RGS5: variants seen among roughly 807,000 people sequenced by gnomAD.
RGS5 encodes the protein regulator of G-protein signalling 5.
A neutral mutation model predicts 18.9 loss-of-function variants in RGS5; 20 were observed. That is an observed-to-expected ratio of 1.06 (90% CI 0.74 to 1.54). The LOEUF is 1.54. Among genes scored for constraint, RGS5 ranks in the 40% most tolerant of loss-of-function variants. The pLI is 0.00. For missense variants in RGS5, 201 were observed against 211.8 expected, an observed-to-expected ratio of 0.95 and a Z score of 0.32; for synonymous variants, 57 against 76.2, an observed-to-expected ratio of 0.75 and a Z score of 1.31.
intron 2 of RGS5, among the ~76,000 whole-genome samples, chr1:163,228,015 G>A (rs1156900587): frequency 6.6e-6 from 1 of 152,240 alleles, no homozygotes; most frequent in Non-Finnish European, 1.5e-5. Flanking sequence ...CCCTGCCCCA[G>A]GATGCTTTCA....
intron 2 of RGS5, chr1:163,304,969 C>T (rs531029115): frequency 3.3e-5 from 5 of 152,326 alleles, no homozygotes; most frequent in Middle Eastern, 3.4e-3. Flanking sequence ...CTTATTGTCT[C>T]CAACCATGCT....
chr1:163,202,746 A>G, intron 1 of RGS5, 46 bp downstream of exon 1: 1 of 1,586,632 alleles, frequency 6.3e-7, no homozygotes, highest in South Asian at 1.1e-5. Context: ...TTGAGTAAAG[A>G]TTCTCCATAT....
upstream of RGS5, among the ~76,000 whole-genome samples, chr1:163,219,706 A>G (rs564643261): frequency 3.0e-3 from 458 of 152,324 alleles, 2 homozygotes; most frequent in Middle Eastern, 0.01. Context: ...TAAAATATAA[A>G]AACAAAAGTT....
chr1:163,307,870 G>A (rs1054257533), intron 1 of RGS5, among the ~76,000 whole-genome samples: 1 of 152,056 alleles, frequency 6.6e-6, no homozygotes, highest in Admixed American at 6.5e-5. Context: ...TTTTATAGAA[G>A]AATAAACTGA....
At position 163,274,520 on chromosome 1, in the gene RGS5, G is replaced by A. The variant is rs1395358375; in HGVS notation, c.-281+31713C>T. The stretch of plus-strand genomic sequence containing the variant: ...ACAATAAACTGGCAGGCAAATATAA[G>A]TAGAGTGTTTTCCTGAGCTCTGTGA... On this transcript the variant is annotated intron_variant, in intron 2 of 5. Coordinates refer to the RGS5 transcript ENST00000618415. Among the ~76,000 whole-genome samples, 6 of 152,150 alleles carry A rather than the reference G, an allele frequency of 3.9e-5. No homozygotes were observed. The South Asian group carries it at 8.3e-4, about 21-fold the overall frequency.
At chr1:163,308,331 A>G (rs768928638) in intron 1 of RGS5, among the ~76,000 whole-genome samples, 4 of 152,216 alleles carry the variant, frequency 2.6e-5, no homozygotes, top group Non-Finnish European at 5.9e-5. Context: ...ACAATAAGTA[A>G]TAAGTTCCAA....
At chr1:163,178,687 T>C (rs1211135158) in intron 1 of RGS5, among the ~76,000 whole-genome samples, 1 of 152,082 alleles carries the variant, frequency 6.6e-6, no homozygotes, top group Non-Finnish European at 1.5e-5. Context: ...TCTATAAGCA[T>C]GAAAGGCCCC....
intron 2 of RGS5, among the ~76,000 whole-genome samples, chr1:163,303,970 C>T (rs1271654247): frequency 2.0e-5 from 3 of 152,080 alleles, no homozygotes; most frequent in Non-Finnish European, 4.4e-5. Context: ...AACTCCTGCT[C>T]CCCCAACCCA....
chr1:163,170,056 T>C lies in RGS5; in HGVS notation c.45-1688A>G, dbSNP rs187480908. Among the ~76,000 whole-genome samples, 95 of 152,310 alleles carry C rather than the reference T, an allele frequency of 6.2e-4. 1 individual carries two copies. Among genetic ancestry groups the C allele is most frequent in the Admixed American group, 5.8e-3 (88 of 15,298 alleles). On this transcript the variant is annotated intron_variant, in intron 1 of 4. Transcript: ENST00000313961. ...ACCTTCTAATCTATCCATCACTTTA[T>C]CACAATTCTATACTAGAAAAGCACC...
chr1:163,218,605 A>G (rs12731261), upstream of RGS5, among the ~76,000 whole-genome samples: 2 of 151,926 alleles, frequency 1.3e-5, no homozygotes, highest in South Asian at 4.1e-4. Context: ...AAATAAAAAT[A>G]AAAAATAGAG....
chr1:163,187,324 C>A (rs1203347788), intron 1 of RGS5, among the ~76,000 whole-genome samples: 1 of 152,182 alleles, frequency 6.6e-6, no homozygotes, highest in Non-Finnish European at 1.5e-5. Context: ...ATGGCTATGG[C>A]CCCCTAGTCA....
chr1:163,202,422 A>G (rs1056573814), intron 1 of RGS5, among the ~76,000 whole-genome samples: 2 of 152,178 alleles, frequency 1.3e-5, no homozygotes, highest in Non-Finnish European at 2.9e-5. Context: ...CCCAAATAGT[A>G]CTTACACAAA....
At chr1:163,163,175 G>T (rs2815287) in intron 2 of RGS5, among the ~76,000 whole-genome samples, 84,599 of 151,972 alleles carry the variant, frequency 0.56, 25,807 homozygotes, top group South Asian at 0.72. Context: ...GACGGCAGTA[G>T]GTTTTGGGCT....
rs184586275 is a variant in RGS5, at chr1:163,162,532, A to G, written c.156-556T>C. Among the ~76,000 whole-genome samples, 5 of 142,330 alleles carry G rather than the reference A, an allele frequency of 3.5e-5. No homozygotes were observed. The East Asian group carries it at 1.1e-3, about 30-fold the overall frequency. The allele number at this position is 142,330 out of a possible 152,430, so 93.4% of individuals were successfully genotyped here. Reference sequence around the variant, plus strand: ...TAGCAAATTTACATGTTAAAAACGTAGGCGCATTTTTCCTACCCACTTATA... The same window carrying G: ...TAGCAAATTTACATGTTAAAAACGTGGGCGCATTTTTCCTACCCACTTATA... On this transcript the variant is annotated intron_variant, in intron 2 of 4. Transcript: ENST00000313961.
intron 2 of RGS5, among the ~76,000 whole-genome samples, chr1:163,295,727 C>T (rs1649405791): frequency 6.6e-6 from 1 of 152,204 alleles, no homozygotes; most frequent in South Asian, 2.1e-4. Context: ...GAAGTGGAAT[C>T]TTCAAAGGCA....
chr1:163,221,291 A>C (rs1032766323), upstream of RGS5, among the ~76,000 whole-genome samples: 1 of 152,170 alleles, frequency 6.6e-6, no homozygotes, highest in Non-Finnish European at 1.5e-5. Flanking sequence ...TGATATCAGG[A>C]GTTCGCGACC....
At chr1:163,317,714 CCT>C (rs1361103832) in intron 1 of RGS5, among the ~76,000 whole-genome samples, 9 of 152,180 alleles carry the variant, frequency 5.9e-5, no homozygotes, top group Non-Finnish European at 4.4e-5. Flanking sequence ...CCTCTCCACC[CCT>C]GTCTAGAATC....
chr1:163,283,737 G>T lies in RGS5; in HGVS notation c.-281+22496C>A, dbSNP rs981491492. Among the ~76,000 whole-genome samples, 9 of 152,198 alleles carry T rather than the reference G, an allele frequency of 5.9e-5. No individual in the cohort carries two copies. The South Asian group carries it at 1.9e-3, about 31-fold the overall frequency. On this transcript the variant is annotated intron_variant, in intron 2 of 5. Coordinates refer to the RGS5 transcript ENST00000618415. ...TGAATTAAGCTGCCATGTTGTGAAA[G>T]CTCAACATTGCAAGGAACTGAAGAC...
At chr1:163,236,255 G>GCTTGGATGACCTCTTCTC (rs1224000016) in intron 2 of RGS5, among the ~76,000 whole-genome samples, 8 of 151,756 alleles carry the variant, frequency 5.3e-5, no homozygotes, top group African/African-American at 2.4e-5. Flanking sequence ...TCAACCTTCT[G>GCTTGGATGACCTCTTCTC]CTTGGATGAC....
Sources: gnomAD v4.1 joint callset for allele counts (sites outside exome capture counted in the v4.1 genomes callset) on GRCh38, gnomAD v4.1.1 for gene constraint, MANE v1.5 for transcripts, NCBI Gene and HGNC (gene_info 2026-07-23, HGNC 2026-07-21) for gene names.